Variants in ABCA13 observed in about 807,000 individuals in gnomAD.
ABCA13 encodes the protein ATP binding cassette subfamily A member 13.
Under a neutral mutation model 478.7 loss-of-function variants are expected in ABCA13, and 476 were observed. The observed-to-expected ratio is 0.99, with a 90% confidence interval of 0.92 to 1.07. ABCA13 has a LOEUF of 1.07. Ranked by LOEUF, ABCA13 falls within the 50% of genes least tolerant of loss-of-function variation. ABCA13 has a pLI of 0.00. For synonymous variants in ABCA13, 2,252 were observed against 2,158.9 expected (o/e 1.04, Z -1.20); for missense variants, 6,060 against 5,910.6 (o/e 1.03, Z -0.83).
chr7:48,626,683 C>T (rs1289175835), intron 59 of ABCA13: 2 of 985,302 alleles, frequency 2.0e-6, no homozygotes, highest in East Asian at 2.3e-4. Context: ...CGCTGAAGAA[C>T]ACGATAATAG....
intron 13 of ABCA13, among the ~76,000 whole-genome samples, chr7:48,247,478 G>C (rs750669961): frequency 6.6e-6 from 1 of 152,044 alleles, no homozygotes; most frequent in Non-Finnish European, 1.5e-5. Flanking sequence ...CCTACGATAC[G>C]TATCACTAAC....
intron 23 of ABCA13, among the ~76,000 whole-genome samples, chr7:48,304,393 C>T (rs1356228514): frequency 6.6e-6 from 1 of 152,224 alleles, no homozygotes; most frequent in Non-Finnish European, 1.5e-5. Flanking sequence ...TTTGAGAAAT[C>T]CCCACACTGC....
chr7:48,313,658 G>T (rs1223447177), intron 25 of ABCA13, among the ~76,000 whole-genome samples: 1 of 152,182 alleles, frequency 6.6e-6, no homozygotes, highest in African/African-American at 2.4e-5. Flanking sequence ...ACACAAACTT[G>T]ATTTAGTTTA....
chr7:48,455,046 T>C lies in ABCA13; in HGVS notation c.12575T>C (p.Leu4192Pro), dbSNP rs1157826587. Residue 4192 changes from leucine (L) to proline (P), a missense_variant, in exon 43 of 62, where the codon CTA (leucine) becomes CCA (proline). Coordinates refer to ENST00000435803, the MANE Select transcript of ABCA13 (RefSeq NM_152701.5). Reference protein sequence around the residue: ...TGHLSGYCGSLARPATVQGVQ... With the variant: ...TGHLSGYCGSPARPATVQGVQ... ...CCCGCCCGTCCTGCAGGTGGCTCCC[T>C]AGCACGGCCCGCAACTGTGCAGGGC... 6.6e-7 allele frequency: 1 copy of C among 1,521,600 alleles called. No individual in the cohort carries two copies. The highest frequency in any genetic ancestry group is 2.5e-5 in the East Asian group (1 of 40,574). 94.3% of individuals were successfully genotyped at this position (1,521,600 alleles called of 1,614,324 possible).
intron 31 of ABCA13, among the ~76,000 whole-genome samples, chr7:48,366,644 T>C (rs1035812756): frequency 6.6e-6 from 1 of 152,002 alleles, no homozygotes; most frequent in South Asian, 2.1e-4. Context: ...GCTCCATACA[T>C]GAGAGGCAAC....
intron 8 of ABCA13, among the ~76,000 whole-genome samples, chr7:48,236,543 A>G (rs959530370): frequency 1.2e-4 from 19 of 152,290 alleles, no homozygotes; most frequent in Middle Eastern, 3.4e-3. Flanking sequence ...GGCCATCCAC[A>G]TTCCTTGGGT....
Position 48,372,495 on chromosome 7 carries a change from C to T in ABCA13, c.11131C>T (p.Leu3711=). The change falls in exon 33 of 62, where the codon CTG becomes TTG. Residue 3711 remains leucine, a splice_region_variant and synonymous_variant. Coordinates refer to ENST00000435803, the MANE Select transcript of ABCA13 (RefSeq NM_152701.5). ...ATTAAGTTTTGTTAATCAGACATTT[C>T]TGGTAAGTAAGTTGTTTTGTAAAAA... ...NQLSFVNQTF[L]CLLSTTAFGQ... 1.6e-5 allele frequency: 23 copies of T among 1,448,410 alleles called. No homozygotes were observed. The highest frequency in any genetic ancestry group is 8.4e-5 in the South Asian group (6 of 71,088). The allele number at this position is 1,448,410 out of a possible 1,614,324, so 89.7% of individuals were successfully genotyped here. A position where few individuals can be genotyped will look rare whatever the true frequency, so the allele number is the denominator to read the frequency against.
At chr7:48,282,829 G>T (rs1797226824) in intron 19 of ABCA13, among the ~76,000 whole-genome samples, 1 of 152,116 alleles carries the variant, frequency 6.6e-6, no homozygotes, top group South Asian at 2.1e-4. Flanking sequence ...ATGAACATGT[G>T]TCTCTTCTAC....
chr7:48,498,708 T>A (rs939154056), intron 48 of ABCA13, among the ~76,000 whole-genome samples: 3 of 152,194 alleles, frequency 2.0e-5, no homozygotes, highest in Non-Finnish European at 4.4e-5. Flanking sequence ...GCCACAGAGA[T>A]ATGCTCATAT....
intron 6 of ABCA13, 117 bp downstream of exon 6, chr7:48,227,542 A>G: frequency 8.0e-7 from 1 of 1,242,852 alleles, no homozygotes; most frequent in Non-Finnish European, 1.1e-6. Context: ...CAATAATGTT[A>G]CCTTGAAACA....
intron 47 of ABCA13, among the ~76,000 whole-genome samples, chr7:48,484,323 A>T (rs1191747371): frequency 6.6e-6 from 1 of 152,190 alleles, no homozygotes; most frequent in South Asian, 2.1e-4. Context: ...GTTTGTTCAA[A>T]TCTCTTTTCC....
chr7:48,387,926 CT>C lies in ABCA13; in HGVS notation c.11441del (p.Leu3814ArgfsTer34). The part of the protein sequence containing the change: ...EKRQYFLSSS[L>X]FFFNENFDNK... Reference sequence around the variant, plus strand: ...AAGGCAATACTTTCTAAGTTCTAGTCTGTTCTTCTTCAATGAGAACTTTGAC... The same window carrying C: ...AAGGCAATACTTTCTAAGTTCTAGTCGTTCTTCTTCAATGAGAACTTTGAC... On this transcript the variant is annotated frameshift_variant, in exon 36 of 62. Coordinates refer to ENST00000435803, the MANE Select transcript of ABCA13 (RefSeq NM_152701.5). LOFTEE classifies it high-confidence loss of function. The C allele has an allele frequency of 6.2e-7, 1 of 1,612,566 alleles. No individual in the cohort carries two copies. The highest frequency in any genetic ancestry group is 8.5e-7 in the Non-Finnish European group (1 of 1,179,316).
rs1468260102 is a variant in ABCA13 at position 48,234,072 on chromosome 7, A to T, written c.818A>T (p.Gln273Leu). ...ATAGTGTGGGATCCACAGAAAGTCCAGTATGATCTCAAATCCCAGTTTGGC... is the reference window on the plus strand; with the variant it reads ...ATAGTGTGGGATCCACAGAAAGTCCTGTATGATCTCAAATCCCAGTTTGGC... ...QNIVWDPQKV[Q>L]YDLKSQFGFD... Residue 273 changes from glutamine (Q) to leucine (L), a missense_variant, in exon 8 of 62, where the codon CAG (glutamine) becomes CTG (leucine). Physicochemically the swap from Gln to Leu is moderately radical, Grantham distance 113 (BLOSUM62 -2). Around this residue, in one of 3 missense-constraint regions of ABCA13, gnomAD observed 4,423 missense variants for 4,309.1 expected, o/e 1.03. Coordinates refer to ENST00000435803, the MANE Select transcript of ABCA13 (RefSeq NM_152701.5). The T allele has an allele frequency of 1.2e-6, 2 of 1,613,952 alleles. No individual in the cohort carries two copies. Among genetic ancestry groups the T allele is most frequent in the East Asian group, 4.5e-5 (2 of 44,896 alleles).
At chr7:48,223,225 T>C (rs1456304735) in intron 5 of ABCA13, among the ~76,000 whole-genome samples, 3 of 151,824 alleles carry the variant, frequency 2.0e-5, no homozygotes, top group African/African-American at 7.3e-5. Flanking sequence ...AGAAATTGAT[T>C]TGGGGGATGT....
At position 48,319,401 on chromosome 7, in the gene ABCA13, A is replaced by G. The variant is rs538506747; in HGVS notation, c.9999+2105A>G. Among the ~76,000 whole-genome samples, 3 of 152,316 alleles carry G rather than the reference A, an allele frequency of 2.0e-5. No individual in the cohort carries two copies. In the South Asian group the frequency reaches 6.2e-4, roughly 32 times the overall value. On this transcript the variant is annotated intron_variant, in intron 27 of 61. Coordinates refer to ENST00000435803, the MANE Select transcript of ABCA13 (RefSeq NM_152701.5). ...TGTACCTGGGATGAATTATCCTAGC[A>G]GTCAGCCATGGCTATTTGGTTTTAT... is the stretch of plus-strand genomic sequence containing the variant.
intron 59 of ABCA13, among the ~76,000 whole-genome samples, chr7:48,638,443 A>G (rs961106852): frequency 2.6e-5 from 4 of 152,194 alleles, no homozygotes; most frequent in Non-Finnish European, 1.5e-5. Flanking sequence ...CTTTAAACTC[A>G]GAAGTGTATT....
intron 39 of ABCA13, among the ~76,000 whole-genome samples, chr7:48,405,043 G>A (rs1818083756): frequency 6.6e-6 from 1 of 152,240 alleles, no homozygotes; most frequent in Non-Finnish European, 1.5e-5. Context: ...GAGTTCACGA[G>A]GCTCAGCAGA....
intron 44 of ABCA13, 90 bp from the exon 45 acceptor site, chr7:48,471,440 C>A: frequency 8.5e-7 from 1 of 1,182,310 alleles, no homozygotes; most frequent in Non-Finnish European, 1.2e-6. Context: ...CTTGTGAACT[C>A]TGTTCTAGTC....
At chr7:48,368,027 G>A (rs1184983970) in intron 32 of ABCA13, 119 bp downstream of exon 32, 16 of 669,606 alleles carry the variant, frequency 2.4e-5, no homozygotes, top group African/African-American at 3.7e-5. Flanking sequence ...CCTCTGCTGG[G>A]GTTCTGGTGT....
Sources: allele counts gnomAD v4.1 joint callset (sites outside exome capture counted in the v4.1 genomes callset), GRCh38; gene constraint gnomAD v4.1.1; regional missense constraint gnomAD v4.1.1; transcripts MANE v1.5; gene names NCBI Gene and HGNC (gene_info 2026-07-23, HGNC 2026-07-21).